The following CREB1 variants were observed in gnomAD, a reference collection of about 807,000 sequenced individuals.
CREB1 encodes the protein cAMP responsive element binding protein 1.
In CREB1, 2 loss-of-function variants were observed where a neutral mutation model predicts 42.0. The ratio of observed to expected loss-of-function variants is 0.05; its 90% CI spans 0.02 to 0.15. CREB1 has a LOEUF of 0.15. Ranked by LOEUF, CREB1 falls within the 10% of genes least tolerant of loss-of-function variation. The probability of loss-of-function intolerance (pLI) is 1.00; values close to 1 mark genes in which losing one functional copy is unlikely to be tolerated. For synonymous variants in CREB1, 123 were observed against 139.9 expected (o/e 0.88, Z 0.85); for missense variants, 199 against 388.9 (o/e 0.51, Z 4.11).
chr2:207,535,889 T>C (rs746356475), intron 1 of CREB1, among the ~76,000 whole-genome samples: 1 of 152,088 alleles, frequency 6.6e-6, no homozygotes, highest in Non-Finnish European at 1.5e-5. Context: ...TGGCACACAC[T>C]TGGCTCACTG....
At chr2:207,581,474 C>T (rs2082949495) in intron 7 of CREB1, 1 of 202,538 alleles carries the variant, frequency 4.9e-6, no homozygotes, top group African/African-American at 2.3e-5. Flanking sequence ...ACAAGTAAAA[C>T]ATGTTCATTA....
At chr2:207,549,778 C>G (rs556638152) in intron 1 of CREB1, among the ~76,000 whole-genome samples, 2 of 152,056 alleles carry the variant, frequency 1.3e-5, no homozygotes, top group Non-Finnish European at 2.9e-5. Context: ...GTCAGGAGAT[C>G]GAGACCATCC....
chr2:207,542,884 A>G (rs952388511), intron 1 of CREB1, among the ~76,000 whole-genome samples: 1 of 152,206 alleles, frequency 6.6e-6, no homozygotes, highest in African/African-American at 2.4e-5. Context: ...CTGTGTCCAT[A>G]TCCTTCAGTT....
rs755993756 is a variant in CREB1 at position 207,575,382 on chromosome 2, A to G, written c.616A>G (p.Thr206Ala). 1.9e-5 allele frequency: 31 copies of G among 1,614,172 alleles called. No homozygotes were observed. The highest frequency in any genetic ancestry group is 2.5e-5 in the Non-Finnish European group (30 of 1,180,010). ...TNAAATQPGT[T>A]ILQYAQTTDG... Reference sequence around the variant, plus strand: ...TGCAGCAGCCACTCAGCCGGGTACTACCATTCTACAGTATGCACAGACCAC... The same window carrying G: ...TGCAGCAGCCACTCAGCCGGGTACTGCCATTCTACAGTATGCACAGACCAC... Residue 206 changes from threonine to alanine, a missense_variant, in exon 6 of 8, where the codon ACC (threonine) becomes GCC (alanine). Physicochemically the swap from Thr to Ala is moderately conservative, Grantham distance 58. Transcript: ENST00000353267.
rs1478495628 is a variant in CREB1, at chr2:207,597,970, C to T, written c.*912C>T. The T allele has an allele frequency of 5.4e-6, 1 of 183,624 alleles. No individual in the cohort carries two copies. Among genetic ancestry groups the T allele is most frequent in the Non-Finnish European group, 1.2e-5 (1 of 86,842 alleles). The allele number at this position is 183,624 out of a possible 1,614,324, so 11.4% of individuals were successfully genotyped here. ...TCACCTTCAAAAATATTTATATTGT[C>T]ACTCATTTACGTAAAAAGATATTTC... is the stretch of plus-strand genomic sequence containing the variant. On this transcript the variant is annotated 3_prime_UTR_variant, in exon 8 of 8. Coordinates refer to ENST00000353267, the MANE Select transcript of CREB1 (RefSeq NM_004379.5).
intron 1 of CREB1, among the ~76,000 whole-genome samples, chr2:207,549,269 T>G (rs990539399): frequency 3.9e-5 from 6 of 152,178 alleles, no homozygotes; most frequent in Non-Finnish European, 5.9e-5. Context: ...CTGGTTTCAA[T>G]GAAAGTGTGC....
At chr2:207,573,340 A>G (rs2082446594) in intron 5 of CREB1, among the ~76,000 whole-genome samples, 1 of 152,232 alleles carries the variant, frequency 6.6e-6, no homozygotes, top group African/African-American at 2.4e-5. Flanking sequence ...TTTCCAAAGT[A>G]TTTTCATATA....
At chr2:207,544,005 T>C (rs570342308) in intron 1 of CREB1, among the ~76,000 whole-genome samples, 3 of 152,286 alleles carry the variant, frequency 2.0e-5, no homozygotes, top group African/African-American at 4.8e-5. Flanking sequence ...CTGCAAGCTC[T>C]GCCTCCTGGG....
chr2:207,564,620 C>A (rs919841069), intron 3 of CREB1, among the ~76,000 whole-genome samples: 14 of 152,012 alleles, frequency 9.2e-5, no homozygotes, highest in Admixed American at 9.2e-4. Flanking sequence ...TAGGAAACAT[C>A]GAATATTACC....
At chr2:207,583,039 A>G (rs1302763089) in intron 7 of CREB1, among the ~76,000 whole-genome samples, 1 of 152,102 alleles carries the variant, frequency 6.6e-6, no homozygotes, top group African/African-American at 2.4e-5. Flanking sequence ...AAAAGTAACA[A>G]TATAACAATT....
At chr2:207,543,642 C>CA (rs1365977297) in intron 1 of CREB1, among the ~76,000 whole-genome samples, 1 of 152,008 alleles carries the variant, frequency 6.6e-6, no homozygotes, top group Non-Finnish European at 1.5e-5. Flanking sequence ...TGGAGTCTGT[C>CA]ACCAGGCTGA....
rs1022035387 is a variant in CREB1 at position 207,603,741 on chromosome 2, A to G, written c.*6683A>G. On this transcript the variant is annotated 3_prime_UTR_variant, in exon 8 of 8. Coordinates refer to ENST00000353267, the MANE Select transcript of CREB1 (RefSeq NM_004379.5). ...TAAAACACGTGTTCACTGAAAGGAC[A>G]ATAAGACTATATACCTTCTCAGGTC... 6.6e-6 allele frequency among the ~76,000 whole-genome samples: 1 copy of G among 152,206 alleles called. No individual in the cohort carries two copies. Among genetic ancestry groups the G allele is most frequent in the South Asian group, 2.1e-4 (1 of 4,838 alleles).
intron 7 of CREB1, among the ~76,000 whole-genome samples, chr2:207,579,037 C>T (rs571056045): frequency 2.6e-5 from 4 of 152,194 alleles, no homozygotes; most frequent in East Asian, 1.9e-4. Flanking sequence ...CCACCCTCCT[C>T]GGACTTCCAA....
Position 207,571,577 on chromosome 2 carries a change from T to C in CREB1, c.505+1256T>C, listed in dbSNP as rs1278467209. On this transcript the variant is annotated intron_variant, in intron 5 of 7. Coordinates refer to ENST00000353267, the MANE Select transcript of CREB1 (RefSeq NM_004379.5). The stretch of plus-strand genomic sequence containing the variant: ...TTAGCTTAGTCATCTTTTTTCTTCT[T>C]AAGATCTTTGTGGCAGATATAAAGT... Among the ~76,000 whole-genome samples the C allele has an allele frequency of 5.9e-5, 9 of 152,342 alleles. No individual in the cohort carries two copies. The East Asian group carries it at 1.5e-3, about 26-fold the overall frequency.
chr2:207,568,035 G>A (rs1470357117), intron 4 of CREB1: 3 of 152,452 alleles, frequency 2.0e-5, no homozygotes, highest in African/African-American at 4.8e-5. Context: ...TTCAGTTATA[G>A]ATGTTGCCTA....
chr2:207,572,803 G>C (rs1255412672), intron 5 of CREB1, among the ~76,000 whole-genome samples: 1 of 148,260 alleles, frequency 6.7e-6, no homozygotes, highest in African/African-American at 2.5e-5. Flanking sequence ...GCAACAGCGA[G>C]ACTCCATCTC....
At position 207,602,085 on chromosome 2, in the gene CREB1, A is replaced by G. The variant is rs916596600; in HGVS notation, c.*5027A>G. 2.9e-5 allele frequency: 6 copies of G among 205,314 alleles called. No individual in the cohort carries two copies. The highest frequency in any genetic ancestry group is 5.0e-5 in the Non-Finnish European group (5 of 100,480). The allele number at this position is 205,314 out of a possible 1,614,324, so 12.7% of individuals were successfully genotyped here. A position where few individuals can be genotyped will look rare whatever the true frequency, so the allele number is the denominator to read the frequency against. On this transcript the variant is annotated 3_prime_UTR_variant, in exon 8 of 8. Transcript: ENST00000353267. ...GAAGTTCCATCTGTCTCATCTGCTT[A>G]TGATAAGTTCTTATTGATTAGTGAA... is the stretch of plus-strand genomic sequence containing the variant.
chr2:207,592,462 A>C (rs540079963), intron 7 of CREB1, among the ~76,000 whole-genome samples: 1 of 152,074 alleles, frequency 6.6e-6, no homozygotes, highest in South Asian at 2.1e-4. Context: ...TCTGACAAGA[A>C]ATCTGTGTGT....
At chr2:207,564,619 T>C (rs1251318852) in intron 3 of CREB1, among the ~76,000 whole-genome samples, 1 of 152,174 alleles carries the variant, frequency 6.6e-6, no homozygotes, top group African/African-American at 2.4e-5. Flanking sequence ...TTAGGAAACA[T>C]CGAATATTAC....
Sources: allele counts gnomAD v4.1 joint callset (sites outside exome capture counted in the v4.1 genomes callset), GRCh38; gene constraint gnomAD v4.1.1; transcripts MANE v1.5; gene names NCBI Gene and HGNC (gene_info 2026-07-23, HGNC 2026-07-21).